IFT56: variants seen among roughly 807,000 people sequenced by gnomAD.
IFT56 encodes intraflagellar transport 56.
At chr7:139,173,271 A>G in the IFT56 span, 27 of 428,464 alleles carry the variant, frequency 6.3e-5, no homozygotes, top group Non-Finnish European at 9.8e-5. Context: ...CTTGTTGCCC[A>G]GACTGGAGTG....
the IFT56 span, chr7:139,191,134 T>C: frequency 1.4e-4 from 22 of 152,358 alleles, no homozygotes; most frequent in African/African-American, 5.3e-4. Flanking sequence ...GGCCAGTTTT[T>C]CTGTCTTTTA....
At chr7:139,181,137 A>G in the IFT56 span, 10 of 1,612,884 alleles carry the variant, frequency 6.2e-6, no homozygotes, top group Non-Finnish European at 8.5e-7. Context: ...CTTTATCTTA[A>G]GATGGAAACC....
At chr7:139,134,185 T>C in the IFT56 span, among the ~76,000 whole-genome samples, 6 of 152,128 alleles carry the variant, frequency 3.9e-5, no homozygotes, top group Non-Finnish European at 8.8e-5. Flanking sequence ...TCCTAAGTAT[T>C]GGCTGATGGC....
chr7:139,179,905 C>T, the IFT56 span, among the ~76,000 whole-genome samples: 19 of 152,248 alleles, frequency 1.2e-4, no homozygotes, highest in African/African-American at 4.3e-4. Flanking sequence ...CAAGTTCTTC[C>T]TAAAGTCTCA....
At chr7:139,137,932 C>T in the IFT56 span, 3 of 1,608,818 alleles carry the variant, frequency 1.9e-6, no homozygotes, top group South Asian at 1.1e-5. Context: ...TACAAGAGAG[C>T]TCTGGAGGTT....
chr7:139,178,089 G>A, the IFT56 span: 1 of 706,920 alleles, frequency 1.4e-6, no homozygotes, highest in South Asian at 1.9e-5. Context: ...AATGTATAAT[G>A]TCAGAATCTA....
the IFT56 span, among the ~76,000 whole-genome samples, chr7:139,188,105 C>CTTTTT: frequency 7.9e-6 from 1 of 126,622 alleles, no homozygotes; most frequent in Non-Finnish European, 1.8e-5. Context: ...TTCTTTCTTT[C>CTTTTT]TTTTTTTTTT....
chr7:139,182,798 A>G, the IFT56 span, among the ~76,000 whole-genome samples: 8 of 152,132 alleles, frequency 5.3e-5, no homozygotes, highest in African/African-American at 1.9e-4. Context: ...CAATGAGGAC[A>G]GGAAAAAAAA....
At chr7:139,156,733 C>T in the IFT56 span, among the ~76,000 whole-genome samples, 1 of 152,032 alleles carries the variant, frequency 6.6e-6, no homozygotes, top group Non-Finnish European at 1.5e-5. Flanking sequence ...TTGAAAAGAT[C>T]AGTCTTTTCC....
At chr7:139,171,664 C>A in the IFT56 span, among the ~76,000 whole-genome samples, 4 of 152,296 alleles carry the variant, frequency 2.6e-5, no homozygotes, top group African/African-American at 9.6e-5. Context: ...AGACTCCCAT[C>A]TCTTACCCTA....
chr7:139,177,340 A>G, the IFT56 span, among the ~76,000 whole-genome samples: 2 of 150,978 alleles, frequency 1.3e-5, no homozygotes, highest in African/African-American at 4.9e-5. Context: ...GTGGTGGAGG[A>G]TTAGTATAAC....
chr7:139,166,697 G>A, the IFT56 span: 23 of 481,048 alleles, frequency 4.8e-5, no homozygotes, highest in East Asian at 6.0e-4. Context: ...ACTCAACACC[G>A]AACATGGAGA....
the IFT56 span, among the ~76,000 whole-genome samples, chr7:139,158,766 T>C: frequency 1.3e-5 from 2 of 151,950 alleles, no homozygotes. Flanking sequence ...ATACAAAAAT[T>C]ACCCTGGTGT....
chr7:139,138,058 A>G, the IFT56 span: 3 of 591,938 alleles, frequency 5.1e-6, no homozygotes, highest in Non-Finnish European at 8.5e-6. Flanking sequence ...AACAAAGAGA[A>G]GTTACCTATT....
chr7:139,161,876 C>T, the IFT56 span, among the ~76,000 whole-genome samples: 1 of 152,104 alleles, frequency 6.6e-6, no homozygotes, highest in South Asian at 2.1e-4. Flanking sequence ...AATCTTTTAA[C>T]TTCAAATTTA....
the IFT56 span, among the ~76,000 whole-genome samples, chr7:139,137,590 G>A: frequency 2.0e-5 from 3 of 152,168 alleles, no homozygotes; most frequent in Non-Finnish European, 2.9e-5. Flanking sequence ...ACCCAGAATT[G>A]TTAGGCAACT....
the IFT56 span, among the ~76,000 whole-genome samples, chr7:139,184,821 G>A: frequency 4.1e-4 from 62 of 150,808 alleles, 1 homozygote; most frequent in African/African-American, 1.5e-3. Flanking sequence ...TTGGGAGGCT[G>A]AGGCGGGCGG....
the IFT56 span, among the ~76,000 whole-genome samples, chr7:139,183,282 G>T: frequency 6.6e-6 from 1 of 152,150 alleles, no homozygotes; most frequent in African/African-American, 2.4e-5. Flanking sequence ...CCACCCACTA[G>T]TTTGGTGATT....
the IFT56 span, among the ~76,000 whole-genome samples, chr7:139,151,205 A>G: frequency 6.6e-6 from 1 of 152,370 alleles, no homozygotes; most frequent in South Asian, 2.1e-4. Context: ...CTACATTGCC[A>G]TATCTGATTA....
Sources: gnomAD v4.1 joint callset for allele counts (sites outside exome capture counted in the v4.1 genomes callset) on GRCh38, gnomAD v4.1.1 for gene constraint, MANE v1.5 for transcripts, NCBI Gene and HGNC (gene_info 2026-07-23, HGNC 2026-07-21) for gene names.